The following DOCK1 variants were observed in gnomAD, a reference collection of about 807,000 sequenced individuals.
The protein encoded by DOCK1 is dedicator of cytokinesis protein 1.
Under a neutral mutation model 262.7 loss-of-function variants are expected in DOCK1, and 138 were observed. The observed-to-expected ratio is 0.53, with a 90% CI of 0.46 to 0.61. The LOEUF is 0.61. Ranked by LOEUF, DOCK1 falls within the 20% of genes least tolerant of loss-of-function variation. The pLI, the probability that DOCK1 is intolerant of heterozygous loss-of-function variation, is 0.00. For missense variants in DOCK1, 1,908 were observed against 2,370.7 expected, an observed-to-expected ratio of 0.80 and a Z score of 4.05; for synonymous variants, 866 against 867.4, an observed-to-expected ratio of 1.00 and a Z score of 0.03.
At chr10:126,912,617 T>C (rs1271321250) in intron 1 of DOCK1, among the ~76,000 whole-genome samples, 2 of 150,656 alleles carry the variant, frequency 1.3e-5, no homozygotes, top group African/African-American at 4.9e-5. Flanking sequence ...TCCCAGCTAC[T>C]CGGGAGGCTG....
intron 47 of DOCK1, among the ~76,000 whole-genome samples, chr10:127,428,477 G>A (rs567872823): frequency 4.7e-5 from 7 of 150,458 alleles, no homozygotes; most frequent in Admixed American, 2.0e-4. Flanking sequence ...CGTGTGGATT[G>A]GGGTGTCATG....
intron 29 of DOCK1, among the ~76,000 whole-genome samples, chr10:127,300,049 G>A (rs948319851): frequency 6.6e-6 from 1 of 152,138 alleles, no homozygotes; most frequent in Admixed American, 6.5e-5. Context: ...AGATGTGATT[G>A]GGGATTGGAA....
intron 2 of DOCK1, among the ~76,000 whole-genome samples, chr10:126,972,219 A>G (rs1471398206): frequency 6.6e-6 from 1 of 152,190 alleles, no homozygotes; most frequent in Admixed American, 6.5e-5. Flanking sequence ...CCCGTCCTGA[A>G]GCAATTGTTA....
intron 1 of DOCK1, among the ~76,000 whole-genome samples, chr10:126,954,014 A>G (rs939386978): frequency 6.6e-6 from 1 of 152,120 alleles, no homozygotes; most frequent in Non-Finnish European, 1.5e-5. Context: ...TTCTGGGCAA[A>G]GTCTCCCCTG....
At chr10:126,967,670 G>A (rs1202211760) in intron 1 of DOCK1, among the ~76,000 whole-genome samples, 3 of 152,032 alleles carry the variant, frequency 2.0e-5, no homozygotes, top group Non-Finnish European at 2.9e-5. Flanking sequence ...TGTGTTCCTC[G>A]GCTTGTTTTG....
At chr10:127,317,507 C>T (rs960224365) in intron 29 of DOCK1, among the ~76,000 whole-genome samples, 6 of 152,146 alleles carry the variant, frequency 3.9e-5, no homozygotes, top group African/African-American at 2.4e-5. Flanking sequence ...TCTGCTCGCC[C>T]AGCACAATTT....
At chr10:127,026,451 C>A in intron 16 of DOCK1, 27 bp downstream of exon 16, 1 of 1,560,854 alleles carries the variant, frequency 6.4e-7, no homozygotes, top group Non-Finnish European at 8.7e-7. Flanking sequence ...TTTCTTCCCC[C>A]AAGTATTTTT....
chr10:126,938,085 C>T (rs1339242681), intron 1 of DOCK1, among the ~76,000 whole-genome samples: 13 of 147,254 alleles, frequency 8.8e-5, no homozygotes, highest in South Asian at 8.6e-4. Flanking sequence ...TCACTCTTTT[C>T]GCCCAGGCTG....
At chr10:127,253,189 G>A (rs1327137984) in intron 28 of DOCK1, among the ~76,000 whole-genome samples, 2 of 152,204 alleles carry the variant, frequency 1.3e-5, no homozygotes, top group African/African-American at 2.4e-5. Flanking sequence ...ACGTGTCCAC[G>A]TCTCAGTAAC....
intron 40 of DOCK1, among the ~76,000 whole-genome samples, chr10:127,405,476 T>A (rs2067467403): frequency 6.6e-6 from 1 of 151,380 alleles, no homozygotes; most frequent in Non-Finnish European, 1.5e-5. Flanking sequence ...TGGTTTTCTC[T>A]TATCCTAGGA....
At chr10:127,086,038 G>A (rs1252049968) in intron 23 of DOCK1, among the ~76,000 whole-genome samples, 1 of 152,064 alleles carries the variant, frequency 6.6e-6, no homozygotes, top group Non-Finnish European at 1.5e-5. Context: ...CCAACTGAAG[G>A]CCAGATGCTA....
At chr10:127,416,423 T>C (rs1256974579) in intron 44 of DOCK1, among the ~76,000 whole-genome samples, 1 of 152,188 alleles carries the variant, frequency 6.6e-6, no homozygotes, top group Non-Finnish European at 1.5e-5. Context: ...CCTCTGCCCA[T>C]GAGCCCTTTG....
At position 126,957,487 on chromosome 10, in the gene DOCK1, C is replaced by T. The variant is rs1200800697; in HGVS notation, c.47-13215C>T. The stretch of plus-strand genomic sequence containing the variant: ...CCAGCCTTATTTATTTATTTATCTT[C>T]GTTTTTATTTTTTTCAGAGCCAGAG... On this transcript the variant is annotated intron_variant, in intron 1 of 51. Transcript: ENST00000623213. 5.3e-5 allele frequency among the ~76,000 whole-genome samples: 8 copies of T among 152,236 alleles called. No individual in the cohort carries two copies. In the East Asian group the frequency reaches 1.2e-3, roughly 22 times the overall value.
At chr10:126,954,861 C>T (rs1040291887) in intron 1 of DOCK1, among the ~76,000 whole-genome samples, 36 of 152,320 alleles carry the variant, frequency 2.4e-4, no homozygotes, top group African/African-American at 8.2e-4. Context: ...TGCCTTTTAG[C>T]TATTGTGAAT....
rs74992680 is a variant in DOCK1 at position 127,366,750 on chromosome 10, C to T, written c.3432+4538C>T. On this transcript the variant is annotated intron_variant, in intron 33 of 51. Coordinates refer to ENST00000623213, the MANE Select transcript of DOCK1 (RefSeq NM_001290223.2). ...TTGGCCCCACCTGCTTCTCCATCCA[C>T]GAGCTTCTGGGATGGGGATGGTCGG... Among the ~76,000 whole-genome samples, 336 of 152,316 alleles carry T rather than the reference C, an allele frequency of 2.2e-3. 3 individuals are homozygous for T. Among genetic ancestry groups the T allele is most frequent in the South Asian group, 0.016 (78 of 4,810 alleles).
At chr10:127,134,651 GAGAC>G (rs935920881) in intron 27 of DOCK1, among the ~76,000 whole-genome samples, 6 of 152,136 alleles carry the variant, frequency 3.9e-5, no homozygotes, top group Non-Finnish European at 7.3e-5. Context: ...ATTATAGAAT[GAGAC>G]AGAACCCTCC....
In DOCK1 at chr10:127,175,069, T is replaced by G; in HGVS notation, c.2847+47305T>G. 1 of 705,858 alleles carries G rather than the reference T, an allele frequency of 1.4e-6. No homozygotes were observed. Among genetic ancestry groups the G allele is most frequent in the Non-Finnish European group, 2.5e-6 (1 of 406,654 alleles). 43.7% of individuals were successfully genotyped at this position (705,858 alleles called of 1,614,324 possible). ...TATCATAAAATAATCTGCGACCCCT[T>G]GGAGCTCGCCACGCCCTTAGACTAT... On this transcript the variant is annotated intron_variant, in intron 27 of 51. Coordinates refer to ENST00000623213, the MANE Select transcript of DOCK1 (RefSeq NM_001290223.2). The surrounding 1 kb of genome is among the most constrained non-coding windows in gnomAD (Gnocchi z 6.3).
At chr10:126,993,130 A>G (rs1161615248) in intron 6 of DOCK1, among the ~76,000 whole-genome samples, 1 of 152,220 alleles carries the variant, frequency 6.6e-6, no homozygotes, top group East Asian at 1.9e-4. Context: ...TCCTTTGTGC[A>G]ATGGGTCTGA....
intron 23 of DOCK1, among the ~76,000 whole-genome samples, chr10:127,070,214 T>G (rs2046136015): frequency 1.3e-5 from 2 of 151,324 alleles, no homozygotes; most frequent in Admixed American, 1.3e-4. Context: ...TTCCAAAACA[T>G]TCACAGGTCC....
Sources: allele counts gnomAD v4.1 joint callset (sites outside exome capture counted in the v4.1 genomes callset), GRCh38; gene constraint gnomAD v4.1.1; non-coding constraint Gnocchi (gnomAD v3.1); transcripts MANE v1.5; gene names NCBI Gene and HGNC (gene_info 2026-07-23, HGNC 2026-07-21).